Variants in MECOM observed in about 807,000 individuals in gnomAD.
MECOM encodes MDS1 and EVI1 complex locus, also known as histone-lysine N-methyltransferase MECOM.
MECOM carries 13 observed loss-of-function variants against 116.3 expected under a neutral mutation model. The ratio of observed to expected loss-of-function variants is 0.11; its 90% confidence interval spans 0.07 to 0.18. The LOEUF is 0.18. Among genes scored for constraint, MECOM ranks in the 10% least tolerant of loss-of-function variants. The probability of loss-of-function intolerance (pLI) is 1.00; values close to 1 mark genes in which losing one functional copy is unlikely to be tolerated. For synonymous variants in MECOM, 528 were observed against 535.2 expected (o/e 0.99, Z 0.19); for missense variants, 1,299 against 1,509.0 (o/e 0.86, Z 2.31).
rs190186526 is a variant in MECOM at position 169,152,529 on chromosome 3, C to T, written c.376-8697G>A. Reference sequence around the variant, plus strand: ...ATTCAGGCATGTTTACTCTCCTATTCGGCTCTCCGAGGAGTAGTCCAGCAC... The same window carrying T: ...ATTCAGGCATGTTTACTCTCCTATTTGGCTCTCCGAGGAGTAGTCCAGCAC... On this transcript the variant is annotated intron_variant, in intron 2 of 16. Coordinates refer to ENST00000651503, the MANE Select transcript of MECOM (RefSeq NM_004991.4). 3.1e-3 allele frequency among the ~76,000 whole-genome samples: 474 copies of T among 152,200 alleles called. 3 individuals are homozygous for T. Among genetic ancestry groups the T allele is most frequent in the African/African-American group, 0.011 (444 of 41,524 alleles).
At chr3:169,332,493 G>T (rs909124867) in intron 2 of MECOM, among the ~76,000 whole-genome samples, 1 of 152,100 alleles carries the variant, frequency 6.6e-6, no homozygotes, top group African/African-American at 2.4e-5. Flanking sequence ...TGTGTTATTA[G>T]TGCTCAGTGA....
intron 1 of MECOM, among the ~76,000 whole-genome samples, chr3:169,422,443 A>C (rs1560254241): frequency 1.3e-5 from 2 of 152,136 alleles, no homozygotes; most frequent in East Asian, 1.9e-4. Context: ...TAATACAGCA[A>C]ATTACAGAGA....
chr3:169,087,748 T>C (rs2148828622), intron 16 of MECOM, among the ~76,000 whole-genome samples: 1 of 152,328 alleles, frequency 6.6e-6, no homozygotes, highest in Middle Eastern at 3.4e-3. Flanking sequence ...ATGTCTACTC[T>C]AGCTAGTTTA....
chr3:169,301,689 A>G (rs1716742737), intron 2 of MECOM, among the ~76,000 whole-genome samples: 1 of 152,212 alleles, frequency 6.6e-6, no homozygotes, highest in Non-Finnish European at 1.5e-5. Context: ...GATGCTTCTG[A>G]TATGTAAAAG....
chr3:169,319,959 C>G (rs1182944308), intron 2 of MECOM, among the ~76,000 whole-genome samples: 1 of 152,164 alleles, frequency 6.6e-6, no homozygotes, highest in Admixed American at 6.5e-5. Context: ...TAACCAGACC[C>G]CTTCACATGT....
chr3:169,346,277 A>G (rs1439623995), intron 2 of MECOM, among the ~76,000 whole-genome samples: 1 of 152,072 alleles, frequency 6.6e-6, no homozygotes, highest in Non-Finnish European at 1.5e-5. Context: ...AGGTCAAACT[A>G]TTTATTCTGT....
intron 2 of MECOM, among the ~76,000 whole-genome samples, chr3:169,192,871 CTTG>C (rs955151175): frequency 6.6e-6 from 1 of 151,970 alleles, no homozygotes; most frequent in Non-Finnish European, 1.5e-5. Context: ...GAAGTGATAT[CTTG>C]TTGTTTATTT....
chr3:169,419,992 A>G (rs1739427382), intron 1 of MECOM, among the ~76,000 whole-genome samples: 1 of 152,218 alleles, frequency 6.6e-6, no homozygotes, highest in Non-Finnish European at 1.5e-5. Context: ...TATGCAGCCA[A>G]CAAACATATG....
At chr3:169,598,682 G>A (rs1202934200) in intron 1 of MECOM, among the ~76,000 whole-genome samples, 3 of 152,194 alleles carry the variant, frequency 2.0e-5, no homozygotes, top group African/African-American at 7.2e-5. Context: ...TCTGAGTGTA[G>A]TATAGTGAGC....
chr3:169,268,447 A>G (rs1758564393), intron 2 of MECOM, among the ~76,000 whole-genome samples: 1 of 152,230 alleles, frequency 6.6e-6, no homozygotes, highest in African/African-American at 2.4e-5. Flanking sequence ...GTCCCTTCTT[A>G]TAAGCCTCCA....
At chr3:169,142,808 A>G (rs1738536738) in intron 3 of MECOM, among the ~76,000 whole-genome samples, 1 of 151,950 alleles carries the variant, frequency 6.6e-6, no homozygotes, top group Non-Finnish European at 1.5e-5. Flanking sequence ...AATTTAAACT[A>G]TTCTTCTTCT....
At chr3:169,581,606 C>A (rs995254689) in intron 1 of MECOM, among the ~76,000 whole-genome samples, 7 of 152,122 alleles carry the variant, frequency 4.6e-5, no homozygotes, top group Non-Finnish European at 7.3e-5. Context: ...GAGGTCCAGC[C>A]GGGTAAGAAC....
intron 3 of MECOM, among the ~76,000 whole-genome samples, chr3:169,140,938 C>T (rs1008402327): frequency 6.6e-6 from 1 of 152,060 alleles, no homozygotes; most frequent in Non-Finnish European, 1.5e-5. Context: ...CAGCATACAA[C>T]ATTTTGACTG....
intron 1 of MECOM, among the ~76,000 whole-genome samples, chr3:169,597,350 T>C (rs1429074553): frequency 1.3e-5 from 2 of 151,840 alleles, no homozygotes; most frequent in East Asian, 3.9e-4. Context: ...TTGAGAAGAG[T>C]CCAATATTGT....
intron 1 of MECOM, among the ~76,000 whole-genome samples, chr3:169,551,627 C>A (rs73028324): frequency 0.014 from 2,159 of 152,268 alleles, 52 homozygotes; most frequent in African/African-American, 0.049. Flanking sequence ...TGATGCAGCT[C>A]ACTTTTCAAG....
At chr3:169,428,894 T>C (rs1741152100) in intron 1 of MECOM, among the ~76,000 whole-genome samples, 1 of 151,334 alleles carries the variant, frequency 6.6e-6, no homozygotes, top group Non-Finnish European at 1.5e-5. Context: ...GGGAAAAAAA[T>C]AAAAGAAAGG....
chr3:169,102,995 T>A (rs1724112353), intron 10 of MECOM, among the ~76,000 whole-genome samples: 2 of 151,570 alleles, frequency 1.3e-5, no homozygotes, highest in Non-Finnish European at 2.9e-5. Context: ...AAGAAAACTA[T>A]CCCTGCCTAA....
intron 2 of MECOM, among the ~76,000 whole-genome samples, chr3:169,154,217 C>T (rs772090500): frequency 3.9e-5 from 6 of 151,926 alleles, no homozygotes; most frequent in Non-Finnish European, 7.4e-5. Flanking sequence ...GCCCTAAAAA[C>T]GAGGGTAGGA....
intron 1 of MECOM, among the ~76,000 whole-genome samples, chr3:169,449,851 A>G (rs997631898): frequency 1.3e-5 from 2 of 152,202 alleles, no homozygotes; most frequent in African/African-American, 4.8e-5. Flanking sequence ...CCAAAGAATT[A>G]CAAAGCAGGT....
Sources: allele counts gnomAD v4.1 joint callset (sites outside exome capture counted in the v4.1 genomes callset), GRCh38; gene constraint gnomAD v4.1.1; transcripts MANE v1.5; gene names NCBI Gene and HGNC (gene_info 2026-07-23, HGNC 2026-07-21).